The following ST3GAL3 variants were observed in gnomAD, a reference collection of about 807,000 sequenced individuals.
ST3GAL3 encodes the protein ST3 beta-galactoside alpha-2,3-sialyltransferase 3.
A neutral mutation model predicts 50.1 loss-of-function variants in ST3GAL3; 21 were observed. That is an observed-to-expected ratio of 0.42 (90% CI 0.30 to 0.60). The LOEUF (loss-of-function observed/expected upper bound fraction) is 0.60, where lower values mean the gene tolerates loss of function less well. ST3GAL3 is among the 20% of genes least tolerant of loss of function. The pLI is 0.19. For missense variants in ST3GAL3, 353 were observed against 489.4 expected (o/e 0.72, Z 2.63); for synonymous variants, 183 against 190.0 (o/e 0.96, Z 0.30).
chr1:43,762,147 T>C (rs552291540), intron 2 of ST3GAL3, among the ~76,000 whole-genome samples: 4 of 150,470 alleles, frequency 2.7e-5, no homozygotes, highest in Non-Finnish European at 5.9e-5. Context: ...GGCACGTGCC[T>C]ATAGTCCCAG....
chr1:43,808,320 AAGTG>A (rs1408868217), intron 3 of ST3GAL3, among the ~76,000 whole-genome samples: 2 of 151,134 alleles, frequency 1.3e-5, no homozygotes, highest in East Asian at 1.9e-4. Context: ...AAAAAAAAAA[AAGTG>A]GAGCTCAGGA....
chr1:43,875,645 C>T (rs759916177), intron 5 of ST3GAL3, among the ~76,000 whole-genome samples: 9 of 152,072 alleles, frequency 5.9e-5, no homozygotes, highest in Non-Finnish European at 8.8e-5. Context: ...TCTCTCCTGC[C>T]ACCTTGTGAA....
At chr1:43,897,279 C>T (rs926777633) in intron 6 of ST3GAL3, among the ~76,000 whole-genome samples, 4 of 152,116 alleles carry the variant, frequency 2.6e-5, no homozygotes, top group Admixed American at 6.5e-5. Flanking sequence ...TTAAGATGCT[C>T]TCCATTGTGG....
At chr1:43,793,040 T>A (rs916610435) in intron 3 of ST3GAL3, among the ~76,000 whole-genome samples, 4 of 152,114 alleles carry the variant, frequency 2.6e-5, no homozygotes, top group Admixed American at 6.5e-5. Flanking sequence ...AGATTGATGA[T>A]TCACAAAACA....
chr1:43,741,952 G>A (rs1023798006), intron 2 of ST3GAL3, among the ~76,000 whole-genome samples: 6 of 152,158 alleles, frequency 3.9e-5, no homozygotes, highest in Admixed American at 3.3e-4. Context: ...TGAAGCAGTT[G>A]GAATCTGTGG....
At chr1:43,881,794 T>C (rs1350397436) in intron 5 of ST3GAL3, among the ~76,000 whole-genome samples, 1 of 131,642 alleles carries the variant, frequency 7.6e-6, no homozygotes, top group Admixed American at 7.4e-5. Flanking sequence ...GAATGGGGGG[T>C]GGGGGTGTCT....
At chr1:43,824,287 C>T (rs1375944758) in intron 4 of ST3GAL3, among the ~76,000 whole-genome samples, 1 of 151,828 alleles carries the variant, frequency 6.6e-6, no homozygotes, top group African/African-American at 2.4e-5. Flanking sequence ...TTCCCCATCT[C>T]CTGGAGAGAC....
chr1:43,747,107 A>G (rs1684068198), intron 2 of ST3GAL3, among the ~76,000 whole-genome samples: 2 of 152,136 alleles, frequency 1.3e-5, no homozygotes, highest in South Asian at 4.1e-4. Context: ...ACCACAATAA[A>G]AACGTAAAAC....
At chr1:43,921,730 C>T (rs1030949119) in intron 11 of ST3GAL3, 1 of 398,932 alleles carries the variant, frequency 2.5e-6, no homozygotes, top group African/African-American at 2.1e-5. Flanking sequence ...TATTCCAGAG[C>T]CTTCCATGCC....
At chr1:43,731,715 GTAGAGACGGGA>G (rs1331910765) in intron 1 of ST3GAL3, among the ~76,000 whole-genome samples, 42 of 149,930 alleles carry the variant, frequency 2.8e-4, no homozygotes, top group Non-Finnish European at 5.9e-5. Context: ...TGTATTTTTA[GTAGAGACGGGA>G]TTTCACAGTG....
intron 9 of ST3GAL3, among the ~76,000 whole-genome samples, chr1:43,917,904 C>T (rs1307032153): frequency 2.0e-5 from 3 of 149,742 alleles, no homozygotes; most frequent in African/African-American, 4.9e-5. Context: ...TCCTGACCTC[C>T]AGTGATCTGC....
At chr1:43,754,000 A>G (rs894455424) in intron 2 of ST3GAL3, among the ~76,000 whole-genome samples, 1 of 152,188 alleles carries the variant, frequency 6.6e-6, no homozygotes, top group African/African-American at 2.4e-5. Flanking sequence ...CATTAGAGAA[A>G]TCTGTACGTA....
At chr1:43,851,107 A>G in intron 5 of ST3GAL3, 2 of 979,544 alleles carry the variant, frequency 2.0e-6, no homozygotes, top group Non-Finnish European at 3.3e-6. Flanking sequence ...GCAGCGGGGC[A>G]TAGTCCAGGT....
At chr1:43,713,096 A>T (rs1665595097) in intron 1 of ST3GAL3, among the ~76,000 whole-genome samples, 1 of 152,218 alleles carries the variant, frequency 6.6e-6, no homozygotes, top group South Asian at 2.1e-4. Context: ...CACAAGAGTC[A>T]TAAAATATTT....
intron 2 of ST3GAL3, among the ~76,000 whole-genome samples, chr1:43,763,832 G>A (rs1204622895): frequency 1.3e-5 from 2 of 152,120 alleles, no homozygotes; most frequent in Non-Finnish European, 2.9e-5. Flanking sequence ...TATGTTCCAG[G>A]CTCCCCTGCA....
chr1:43,928,675 G>A (rs1231715548), intron 11 of ST3GAL3, among the ~76,000 whole-genome samples: 1 of 151,876 alleles, frequency 6.6e-6, no homozygotes, highest in Non-Finnish European at 1.5e-5. Context: ...TTGGGAGGCT[G>A]AGGCAGGTGG....
chr1:43,747,147 C>T (rs1329657211), intron 2 of ST3GAL3, among the ~76,000 whole-genome samples: 1 of 152,254 alleles, frequency 6.6e-6, no homozygotes, highest in African/African-American at 2.4e-5. Flanking sequence ...CAGTGGCTCA[C>T]GCCTATAATC....
intron 3 of ST3GAL3, among the ~76,000 whole-genome samples, chr1:43,798,242 A>G (rs1399980703): frequency 6.6e-6 from 1 of 152,144 alleles, no homozygotes; most frequent in Non-Finnish European, 1.5e-5. Flanking sequence ...TCCCTAGACT[A>G]GAAACATCTC....
intron 5 of ST3GAL3, among the ~76,000 whole-genome samples, chr1:43,849,279 T>G (rs1211275684): frequency 6.6e-6 from 1 of 152,012 alleles, no homozygotes; most frequent in East Asian, 1.9e-4. Flanking sequence ...TTCTTGGTAT[T>G]TTGATCACAA....
Sources: allele counts gnomAD v4.1 joint callset (sites outside exome capture counted in the v4.1 genomes callset), GRCh38; gene constraint gnomAD v4.1.1; transcripts MANE v1.5; gene names NCBI Gene and HGNC (gene_info 2026-07-23, HGNC 2026-07-21).